SIRPB1: variants seen among roughly 807,000 people sequenced by gnomAD.
SIRPB1 encodes signal-regulatory protein beta-1.
Under a neutral mutation model 34.1 loss-of-function variants are expected in SIRPB1, and 28 were observed. The observed-to-expected ratio is 0.82, with a 90% CI of 0.61 to 1.12. SIRPB1 has a LOEUF of 1.12. Ranked by LOEUF, SIRPB1 falls within the 50% of genes most tolerant of loss-of-function variation. The pLI is 0.00. For synonymous variants in SIRPB1, 211 were observed against 203.8 expected (o/e 1.04, Z -0.30); for missense variants, 499 against 507.0 (o/e 0.98, Z 0.15).
intron 1 of SIRPB1, among the ~76,000 whole-genome samples, chr20:1,616,035 C>CA (rs1286549948): frequency 1.3e-5 from 2 of 151,796 alleles, no homozygotes; most frequent in East Asian, 3.9e-4. Flanking sequence ...AAGACCTCCA[C>CA]AAAAAAAGCT....
At chr20:1,565,837 C>A (rs964761434) in intron 5 of SIRPB1, among the ~76,000 whole-genome samples, 4 of 151,958 alleles carry the variant, frequency 2.6e-5, no homozygotes, top group Admixed American at 6.5e-5. Context: ...CAAGGGACCA[C>A]CCACTCAGTT....
chr20:1,571,008 C>T lies in SIRPB1; in HGVS notation c.881G>A (p.Arg294Gln), dbSNP rs202077981. Residue 294 changes from arginine to glutamine, a missense_variant, in exon 4 of 6, where the codon CGG becomes CAG. By Grantham distance (43) the Arg-to-Gln change is conservative. Coordinates refer to ENST00000381605, the MANE Select transcript of SIRPB1 (RefSeq NM_006065.5). The stretch of plus-strand genomic sequence containing the variant: ...TATGAGGGTCGAAGCTGTTTCTGTC[C>T]GGGACACATTTCCATTCTCCAACCA... ...LTWLENGNVS[R>Q]TETASTLIEN... 8.7e-5 allele frequency: 141 copies of T among 1,614,144 alleles called. 1 individual carries two copies. The South Asian group carries it at 9.7e-4, about 11-fold the overall frequency.
intron 1 of SIRPB1, among the ~76,000 whole-genome samples, chr20:1,613,910 A>G (rs1338221861): frequency 6.6e-6 from 1 of 152,218 alleles, no homozygotes; most frequent in Non-Finnish European, 1.5e-5. Flanking sequence ...AGTTGAACTC[A>G]AAAATAAACT....
Position 1,571,081 on chromosome 20 carries a change from C to T in SIRPB1, c.808G>A (p.Val270Ile), listed in dbSNP as rs781727801. Reference protein sequence around the residue: ...QPMRAENQANVTCQVSNFYPR... With the variant: ...QPMRAENQANITCQVSNFYPR... ...TAGAAATTGCTCACCTGGCAGGTGA[C>T]GTTTGCCTGGTTCTCTGCCCTCATG... The change falls in exon 4 of 6, where the codon GTC (valine) becomes ATC (isoleucine). Residue 270 changes from valine (V) to isoleucine (I), a missense_variant. Coordinates refer to ENST00000381605, the MANE Select transcript of SIRPB1 (RefSeq NM_006065.5). 2.4e-5 allele frequency: 38 copies of T among 1,613,928 alleles called. No individual in the cohort carries two copies. The highest frequency in any genetic ancestry group is 1.6e-4 in the Middle Eastern group (1 of 6,084).
intron 1 of SIRPB1, among the ~76,000 whole-genome samples, chr20:1,580,041 G>A (rs2091379837): frequency 6.7e-6 from 1 of 148,552 alleles, no homozygotes; most frequent in Non-Finnish European, 1.5e-5. Context: ...GATGATGGAT[G>A]TGTCCATTTG....
chr20:1,583,848 TTACTACTAC>T lies in SIRPB1; in HGVS notation c.77-5163_77-5155del, dbSNP rs60912313. ...GTTGAAGACTGTAGTAAGGGAAGTC[TTACTACTAC>T]TACTACTACTACTACTACTACTACT... On this transcript the variant is annotated intron_variant, in intron 1 of 5. Transcript: ENST00000381605. 1.2e-4 allele frequency among the ~76,000 whole-genome samples: 4 copies of T among 32,578 alleles called. 2 individuals are homozygous for T. The highest frequency in any genetic ancestry group is 4.5e-4 in the African/African-American group (2 of 4,488). 21.4% of individuals were successfully genotyped at this position (32,578 alleles called of 152,430 possible).
In SIRPB1 at chr20:1,565,247, T is replaced by C. The variant is rs1297070830; in HGVS notation, c.*253A>G. On this transcript the variant is annotated 3_prime_UTR_variant, in exon 6 of 6. Transcript: ENST00000381605. ...AGTCCTGGTGTGTTTAGATTTGGAGTGTTTCTCACCTTCTAGGGAGGTGCC... is the reference window on the plus strand; with the variant it reads ...AGTCCTGGTGTGTTTAGATTTGGAGCGTTTCTCACCTTCTAGGGAGGTGCC... 1 of 387,142 alleles carries C rather than the reference T, an allele frequency of 2.6e-6. No homozygotes were observed. 24.0% of individuals were successfully genotyped at this position (387,142 alleles called of 1,614,324 possible).
Position 1,563,221 on chromosome 20 carries a change from T to C in SIRPB1, c.*2279A>G, listed in dbSNP as rs946061760. Among the ~76,000 whole-genome samples the C allele has an allele frequency of 1.3e-5, 2 of 152,154 alleles. No individual in the cohort carries two copies. Among genetic ancestry groups the C allele is most frequent in the African/African-American group, 4.8e-5 (2 of 41,440 alleles). On this transcript the variant is annotated 3_prime_UTR_variant, in exon 6 of 6. Coordinates refer to ENST00000381605, the MANE Select transcript of SIRPB1 (RefSeq NM_006065.5). ...AGAAATGATGCTTGCTGGCTAGGCA[T>C]GGTGGCTCATGCCTGTAATCCCAGC... is the stretch of plus-strand genomic sequence containing the variant.
rs115216664 is a variant in SIRPB1, at chr20:1,562,867, G to T, written c.*2633C>A. 9.9e-3 allele frequency among the ~76,000 whole-genome samples: 1,513 copies of T among 152,316 alleles called. 19 individuals carry two copies. The highest frequency in any genetic ancestry group is 0.035 in the African/African-American group (1,437 of 41,558). ...ATTTTGCAACCAAGATGAAAGTGCA[G>T]TGAAGAAATGAGAAGTGAAAATGCT... On this transcript the variant is annotated 3_prime_UTR_variant, in exon 6 of 6. Coordinates refer to ENST00000381605, the MANE Select transcript of SIRPB1 (RefSeq NM_006065.5).
chr20:1,566,403 T>C (rs2091135942), intron 4 of SIRPB1, 136 bp from the exon 5 acceptor site: 1 of 563,826 alleles, frequency 1.8e-6, no homozygotes, highest in Admixed American at 3.1e-5. Context: ...CTGCTCTGGC[T>C]TTCCTGACTC....
rs780937986 is a variant in SIRPB1, at chr20:1,570,831, T to G, written c.1058A>C (p.Lys353Thr). The stretch of plus-strand genomic sequence containing the variant: ...ATGGGTGATATCTGAGCCGTGCTCC[T>G]TCTGGTGCGCTGAGATCTCCAGGGC... ...SYALEISAHQKEHGSDITHEA... is the reference protein window; with the variant it reads ...SYALEISAHQTEHGSDITHEA... The change falls in exon 4 of 6, where the codon AAG becomes ACG. Residue 353 changes from lysine (K) to threonine (T), a missense_variant. Physicochemically the swap from Lys to Thr is moderately conservative, Grantham distance 78. Transcript: ENST00000381605. 24 of 1,613,988 alleles carry G rather than the reference T, an allele frequency of 1.5e-5. No homozygotes were observed. The South Asian group carries it at 2.5e-4, about 17-fold the overall frequency.
At chr20:1,617,617 C>T (rs2091648754) in intron 1 of SIRPB1, among the ~76,000 whole-genome samples, 1 of 152,016 alleles carries the variant, frequency 6.6e-6, no homozygotes, top group Non-Finnish European at 1.5e-5. Flanking sequence ...ATCTATTGTA[C>T]AATATGGGGT....
In SIRPB1 at chr20:1,605,884, T is replaced by C. The variant is rs760785225; in HGVS notation, c.76+13985A>G. ...TCAAGCCACAGGATGTTGCAGTAGA[T>C]AGACCTGGATAACAACTGAAGCCAG... is the stretch of plus-strand genomic sequence containing the variant. On this transcript the variant is annotated intron_variant, in intron 1 of 5. Transcript: ENST00000381605. The C allele has an allele frequency of 1.7e-4, 33 of 195,260 alleles. 13 individuals are homozygous for C. The highest frequency in any genetic ancestry group is 1.4e-3 in the South Asian group (33 of 23,710). 12.1% of individuals were successfully genotyped at this position (195,260 alleles called of 1,614,324 possible). A position where few individuals can be genotyped will look rare whatever the true frequency, so the allele number is the denominator to read the frequency against.
intron 1 of SIRPB1, among the ~76,000 whole-genome samples, chr20:1,579,456 G>A (rs2122230977): frequency 6.7e-6 from 1 of 148,258 alleles, no homozygotes; most frequent in East Asian, 1.9e-4. Context: ...TATAATTTGT[G>A]GGCTGTGCAT....
intron 1 of SIRPB1, among the ~76,000 whole-genome samples, chr20:1,618,780 C>T (rs1486161414): frequency 2.6e-5 from 4 of 152,236 alleles, no homozygotes; most frequent in Middle Eastern, 3.4e-3. Flanking sequence ...TCCCAGGCTG[C>T]ACCAGGAAAG....
intron 4 of SIRPB1, among the ~76,000 whole-genome samples, chr20:1,568,814 A>G (rs1439956442): frequency 1.3e-5 from 2 of 151,862 alleles, no homozygotes; most frequent in Non-Finnish European, 2.9e-5. Flanking sequence ...ATAGGAATTA[A>G]TTTAAAAAAA....
chr20:1,571,040 C>G lies in SIRPB1; in HGVS notation c.849G>C (p.Gln283His), dbSNP rs1568683332. 3.1e-6 allele frequency: 5 copies of G among 1,614,074 alleles called. No homozygotes were observed. Among genetic ancestry groups the G allele is most frequent in the Non-Finnish European group, 4.2e-6 (5 of 1,180,010 alleles). ...CATTTCCATTCTCCAACCAGGTCAG[C>G]TGTAGTCCCCGGGGGTAGAAATTGC... ...QVSNFYPRGL[Q>H]LTWLENGNVS... Residue 283 changes from glutamine (Q) to histidine (H), a missense_variant, in exon 4 of 6, where the codon CAG (glutamine) becomes CAC (histidine). Physicochemically the swap from Gln to His is conservative, Grantham distance 24. Coordinates refer to ENST00000381605, the MANE Select transcript of SIRPB1 (RefSeq NM_006065.5).
rs1288918749 is a variant in SIRPB1, at chr20:1,599,966, C to G, written c.76+19903G>C. On this transcript the variant is annotated intron_variant, in intron 1 of 5. Transcript: ENST00000381605. ...TTTTTTTGTATCAGACCTCGCGCTCCTTGATTGGATTCTACATGCAGCAAG... is the reference window on the plus strand; with the variant it reads ...TTTTTTTGTATCAGACCTCGCGCTCGTTGATTGGATTCTACATGCAGCAAG... 4.0e-5 allele frequency among the ~76,000 whole-genome samples: 2 copies of G among 50,236 alleles called. 1 individual carries two copies. Among genetic ancestry groups the G allele is most frequent in the Non-Finnish European group, 7.8e-5 (2 of 25,696 alleles). The allele number at this position is 50,236 out of a possible 152,430, so 33.0% of individuals were successfully genotyped here.
Position 1,563,185 on chromosome 20 carries a change from C to T in SIRPB1, c.*2315G>A, listed in dbSNP as rs2091093781. ...CAAACTTAGAAAGATGGCAAAACAC[C>T]AAGGTATAATAGAAATGATGCTTGC... On this transcript the variant is annotated 3_prime_UTR_variant, in exon 6 of 6. Transcript: ENST00000381605. Among the ~76,000 whole-genome samples the T allele has an allele frequency of 6.6e-6, 1 of 152,042 alleles. No homozygotes were observed. Among genetic ancestry groups the T allele is most frequent in the Admixed American group, 6.5e-5 (1 of 15,272 alleles).
Sources: allele counts gnomAD v4.1 joint callset (sites outside exome capture counted in the v4.1 genomes callset), GRCh38; gene constraint gnomAD v4.1.1; transcripts MANE v1.5; gene names NCBI Gene and HGNC (gene_info 2026-07-23, HGNC 2026-07-21).